The following GFRA1 variants were observed in gnomAD, a reference collection of about 807,000 sequenced individuals.
GFRA1 encodes GDNF family receptor alpha-1.
Under a neutral mutation model 51.6 loss-of-function variants are expected in GFRA1, and 16 were observed. The ratio of observed to expected loss-of-function variants is 0.31; its 90% CI spans 0.21 to 0.47. The LOEUF is 0.47. Ranked by LOEUF, GFRA1 falls within the 20% of genes least tolerant of loss-of-function variation. The pLI is 1.00. For missense variants in GFRA1, 530 were observed against 594.3 expected, an observed-to-expected ratio of 0.89 and a Z score of 1.13; for synonymous variants, 270 against 241.3, an observed-to-expected ratio of 1.12 and a Z score of -1.10.
chr10:116,144,184 G>C (rs1958694472), intron 5 of GFRA1, among the ~76,000 whole-genome samples: 1 of 152,068 alleles, frequency 6.6e-6, no homozygotes. Flanking sequence ...TGACTTTCTA[G>C]AAAGCTAAGT....
At chr10:116,253,937 T>C (rs939722128) in intron 4 of GFRA1, among the ~76,000 whole-genome samples, 2 of 152,134 alleles carry the variant, frequency 1.3e-5, no homozygotes, top group Admixed American at 6.5e-5. Context: ...TGGACTTCTA[T>C]GAGTTTTGGT....
chr10:116,077,803 G>C (rs188064074), intron 9 of GFRA1, among the ~76,000 whole-genome samples: 38 of 152,256 alleles, frequency 2.5e-4, no homozygotes, highest in African/African-American at 7.9e-4. Context: ...CGGCAGGCTG[G>C]GGGGGACAGC....
intron 4 of GFRA1, among the ~76,000 whole-genome samples, chr10:116,254,882 G>A (rs1482086147): frequency 6.6e-6 from 1 of 152,138 alleles, no homozygotes; most frequent in Non-Finnish European, 1.5e-5. Flanking sequence ...AAAGGAAGTC[G>A]TTTCCAGGCA....
chr10:116,125,126 T>A, intron 6 of GFRA1, 95 bp downstream of exon 6: 1 of 1,081,674 alleles, frequency 9.2e-7, no homozygotes, highest in Non-Finnish European at 1.4e-6. Context: ...TCCTCTACCT[T>A]GGTAGAAGCA....
intron 5 of GFRA1, among the ~76,000 whole-genome samples, chr10:116,206,569 C>G (rs1306180237): frequency 2.0e-5 from 3 of 150,340 alleles, no homozygotes; most frequent in Admixed American, 6.6e-5. Flanking sequence ...TGGGAAAGAG[C>G]TGATGTTTCA....
chr10:116,064,402 GATGTT>G lies in GFRA1; in HGVS notation c.1389_1393del (p.Glu463AspfsTer13). On this transcript the variant is annotated frameshift_variant, in exon 11 of 11. Transcript: ENST00000355422. LOFTEE classifies it high-confidence loss of function. ...TATTGTATTTTTTTAATGCAGCTAT[GATGTT>G]TCTGTTAAAGATAATAGGGTGGACA... 6.2e-7 allele frequency: 1 copy of G among 1,611,826 alleles called. No individual in the cohort carries two copies.
At chr10:116,245,891 G>A (rs1967826899) in intron 4 of GFRA1, among the ~76,000 whole-genome samples, 1 of 152,212 alleles carries the variant, frequency 6.6e-6, no homozygotes. Flanking sequence ...TATGAAGACA[G>A]TAAAAAGACC....
At chr10:116,263,935 C>T (rs1334408840) in intron 4 of GFRA1, among the ~76,000 whole-genome samples, 1 of 152,108 alleles carries the variant, frequency 6.6e-6, no homozygotes, top group Non-Finnish European at 1.5e-5. Flanking sequence ...TAGTGCAGAC[C>T]ACTAGGAAGA....
intron 4 of GFRA1, among the ~76,000 whole-genome samples, chr10:116,225,354 G>A (rs1280694271): frequency 6.6e-6 from 1 of 151,674 alleles, no homozygotes; most frequent in African/African-American, 2.4e-5. Flanking sequence ...GGCCAACAAG[G>A]TGAAACACTG....
At chr10:116,151,964 A>G (rs542517506) in intron 5 of GFRA1, among the ~76,000 whole-genome samples, 1 of 152,232 alleles carries the variant, frequency 6.6e-6, no homozygotes, top group South Asian at 2.1e-4. Context: ...AGGTGACTTG[A>G]GAGGTGGAGT....
At chr10:116,157,270 A>G (rs911178176) in intron 5 of GFRA1, among the ~76,000 whole-genome samples, 6 of 152,216 alleles carry the variant, frequency 3.9e-5, no homozygotes, top group Admixed American at 1.3e-4. Context: ...TTCAATGTCT[A>G]TGCCAAAGTA....
intron 4 of GFRA1, among the ~76,000 whole-genome samples, chr10:116,218,667 C>T: frequency 6.6e-6 from 1 of 152,170 alleles, no homozygotes; most frequent in East Asian, 1.9e-4. Flanking sequence ...GACCCTCCTG[C>T]TTCCTCCAGG....
At chr10:116,209,650 A>G (rs1965039198) in intron 5 of GFRA1, among the ~76,000 whole-genome samples, 1 of 151,910 alleles carries the variant, frequency 6.6e-6, no homozygotes, top group Non-Finnish European at 1.5e-5. Flanking sequence ...CCATATTTCA[A>G]CTAAATGGTA....
chr10:116,216,900 C>T (rs146954542), intron 4 of GFRA1, among the ~76,000 whole-genome samples: 74 of 152,298 alleles, frequency 4.9e-4, no homozygotes, highest in African/African-American at 1.7e-3. Context: ...TAACCAAAGT[C>T]AATTTCACAA....
chr10:116,160,943 G>A (rs953201125), intron 5 of GFRA1, among the ~76,000 whole-genome samples: 1 of 152,170 alleles, frequency 6.6e-6, no homozygotes, highest in East Asian at 1.9e-4. Context: ...ACTCCTCAAA[G>A]GAAATCCATG....
chr10:116,175,471 A>G (rs1365346225), intron 5 of GFRA1, among the ~76,000 whole-genome samples: 1 of 152,232 alleles, frequency 6.6e-6, no homozygotes, highest in African/African-American at 2.4e-5. Flanking sequence ...ATTACCATGC[A>G]TAGATCATTA....
chr10:116,175,106 C>A (rs1199351139), intron 5 of GFRA1, among the ~76,000 whole-genome samples: 1 of 152,170 alleles, frequency 6.6e-6, no homozygotes, highest in Non-Finnish European at 1.5e-5. Context: ...TGTTAGAAAC[C>A]CTGTACATGG....
chr10:116,233,487 C>A (rs1156318592), intron 4 of GFRA1, among the ~76,000 whole-genome samples: 1 of 152,122 alleles, frequency 6.6e-6, no homozygotes, highest in Non-Finnish European at 1.5e-5. Flanking sequence ...TGCACAGACA[C>A]CCTAGGCAGA....
At chr10:116,065,202 C>T (rs1214218952) in intron 10 of GFRA1, among the ~76,000 whole-genome samples, 1 of 152,230 alleles carries the variant, frequency 6.6e-6, no homozygotes, top group Non-Finnish European at 1.5e-5. Flanking sequence ...CTAATCTACC[C>T]ATGGGGGCCT....
Sources: gnomAD v4.1 joint callset for allele counts (sites outside exome capture counted in the v4.1 genomes callset) on GRCh38, gnomAD v4.1.1 for gene constraint, MANE v1.5 for transcripts, NCBI Gene and HGNC (gene_info 2026-07-23, HGNC 2026-07-21) for gene names.